Variants in RALYL observed in about 807,000 individuals in gnomAD.
RALYL encodes the protein RALY RNA binding protein like, also known as RNA-binding Raly-like protein.
Under a neutral mutation model 35.1 loss-of-function variants are expected in RALYL, and 29 were observed. The observed-to-expected ratio is 0.83, with a 90% CI of 0.61 to 1.13. RALYL has a LOEUF of 1.13. Ranked by LOEUF, RALYL falls within the 50% of genes most tolerant of loss-of-function variation. The pLI is 0.00. For missense variants in RALYL, 359 were observed against 360.4 expected (o/e 1.00, Z 0.03); for synonymous variants, 120 against 127.6 (o/e 0.94, Z 0.40).
intron 2 of RALYL, among the ~76,000 whole-genome samples, chr8:84,640,299 A>G (rs1369426464): frequency 6.6e-6 from 1 of 152,020 alleles, no homozygotes; most frequent in Admixed American, 6.6e-5. Context: ...AGAGTATAGG[A>G]ATTATTTTGA....
At chr8:84,455,659 G>A (rs711014) in intron 1 of RALYL, among the ~76,000 whole-genome samples, 90,880 of 151,830 alleles carry the variant, frequency 0.6, 27,502 homozygotes, top group African/African-American at 0.69. Flanking sequence ...AATCAAATGG[G>A]CAAAGCTCTC....
At chr8:84,869,249 T>C (rs971560381) in intron 6 of RALYL, among the ~76,000 whole-genome samples, 1 of 152,240 alleles carries the variant, frequency 6.6e-6, no homozygotes, top group African/African-American at 2.4e-5. Context: ...GCATATCACA[T>C]GACTTTGGGA....
At chr8:84,456,756 A>G (rs1464523361) in intron 1 of RALYL, among the ~76,000 whole-genome samples, 2 of 152,024 alleles carry the variant, frequency 1.3e-5, no homozygotes, top group Non-Finnish European at 2.9e-5. Context: ...TTCACATTGC[A>G]TCATAGGAAG....
intron 4 of RALYL, among the ~76,000 whole-genome samples, chr8:84,847,940 G>C (rs1026153382): frequency 3.9e-5 from 6 of 152,260 alleles, no homozygotes; most frequent in Middle Eastern, 6.8e-3. Context: ...CACCCTCTAT[G>C]TAAGAGCATG....
At position 84,523,613 on chromosome 8, in the gene RALYL, C is replaced by A. The variant is rs1229363543; in HGVS notation, c.-23-5686C>A. ...ATGTGCCATGCTGGTGTGCTGCACC[C>A]ACTAACTCATCATCTAGCATTAGGT... On this transcript the variant is annotated intron_variant, in intron 1 of 8. Coordinates refer to ENST00000521268, the MANE Select transcript of RALYL (RefSeq NM_173848.7). Among the ~76,000 whole-genome samples the A allele has an allele frequency of 5.3e-5, 8 of 151,300 alleles. No homozygotes were observed. In the East Asian group the frequency reaches 1.6e-3, roughly 30 times the overall value.
At chr8:84,602,707 G>A (rs1367022772) in intron 2 of RALYL, among the ~76,000 whole-genome samples, 3 of 152,076 alleles carry the variant, frequency 2.0e-5, no homozygotes, top group African/African-American at 7.2e-5. Context: ...TTAATAAATA[G>A]CTATTGAGTA....
At chr8:84,605,227 T>C (rs1481523346) in intron 2 of RALYL, among the ~76,000 whole-genome samples, 1 of 152,130 alleles carries the variant, frequency 6.6e-6, no homozygotes, top group African/African-American at 2.4e-5. Context: ...ATATCTGAAC[T>C]AAATCAATAA....
At chr8:84,544,156 A>G (rs1217336562) in intron 2 of RALYL, among the ~76,000 whole-genome samples, 3 of 152,044 alleles carry the variant, frequency 2.0e-5, no homozygotes, top group Non-Finnish European at 4.4e-5. Flanking sequence ...CTGTGAGGTT[A>G]TGTCACCAAG....
intron 1 of RALYL, among the ~76,000 whole-genome samples, chr8:84,266,030 C>T (rs1833227917): frequency 6.6e-6 from 1 of 152,160 alleles, no homozygotes; most frequent in Non-Finnish European, 1.5e-5. Flanking sequence ...AAGTCAAGAA[C>T]TTTAAATGAT....
At chr8:84,703,763 T>C (rs1840635099) in intron 2 of RALYL, among the ~76,000 whole-genome samples, 1 of 152,186 alleles carries the variant, frequency 6.6e-6, no homozygotes, top group South Asian at 2.1e-4. Context: ...ACTGTTTTAA[T>C]TCTATTGAAT....
intron 2 of RALYL, among the ~76,000 whole-genome samples, chr8:84,676,613 C>G (rs1834240503): frequency 6.6e-6 from 1 of 152,102 alleles, no homozygotes; most frequent in Non-Finnish European, 1.5e-5. Flanking sequence ...GGTCCCCACC[C>G]AATCCTAAAA....
chr8:84,569,285 C>T (rs891633947), intron 2 of RALYL, among the ~76,000 whole-genome samples: 1 of 151,986 alleles, frequency 6.6e-6, no homozygotes, highest in Non-Finnish European at 1.5e-5. Flanking sequence ...GTTTTCCCAG[C>T]ACCATTTATT....
chr8:84,501,385 C>T (rs779690558), intron 1 of RALYL, among the ~76,000 whole-genome samples: 1 of 152,024 alleles, frequency 6.6e-6, no homozygotes, highest in African/African-American at 2.4e-5. Flanking sequence ...AATAACATTT[C>T]TTAACATACA....
At chr8:84,561,557 C>G (rs1490927358) in intron 2 of RALYL, among the ~76,000 whole-genome samples, 1 of 151,884 alleles carries the variant, frequency 6.6e-6, no homozygotes, top group African/African-American at 2.4e-5. Context: ...AAATTAGGCA[C>G]AGTAAGAGAT....
intron 1 of RALYL, among the ~76,000 whole-genome samples, chr8:84,412,313 T>A (rs563093556): frequency 6.6e-6 from 1 of 152,108 alleles, no homozygotes; most frequent in Non-Finnish European, 1.5e-5. Flanking sequence ...TTGTAGGTGC[T>A]CATTACAATT....
chr8:84,380,737 G>C (rs1417873917), intron 1 of RALYL, among the ~76,000 whole-genome samples: 1 of 151,844 alleles, frequency 6.6e-6, no homozygotes, highest in Non-Finnish European at 1.5e-5. Context: ...GGTCCAGTAA[G>C]AGTTAAAAAG....
intron 2 of RALYL, among the ~76,000 whole-genome samples, chr8:84,587,641 A>C (rs1383259787): frequency 6.6e-6 from 1 of 152,202 alleles, no homozygotes; most frequent in Non-Finnish European, 1.5e-5. Context: ...TTTTTGGACA[A>C]AGTACTACAA....
chr8:84,607,294 G>A lies in RALYL; in HGVS notation c.256+77717G>A, dbSNP rs541197549. Among the ~76,000 whole-genome samples, 15 of 152,008 alleles carry A rather than the reference G, an allele frequency of 9.9e-5. No individual in the cohort carries two copies. In the South Asian group the frequency reaches 3.1e-3, roughly 32 times the overall value. On this transcript the variant is annotated intron_variant, in intron 2 of 8. Coordinates refer to ENST00000521268, the MANE Select transcript of RALYL (RefSeq NM_173848.7). ...CATTTTGACCCTCTCTGGCCAAAGT[G>A]CATTTATAATTTACAGTAATGCAAT...
chr8:84,511,334 A>C (rs2057599925), intron 1 of RALYL, among the ~76,000 whole-genome samples: 1 of 152,202 alleles, frequency 6.6e-6, no homozygotes, highest in Admixed American at 6.5e-5. Flanking sequence ...ATAGGTATAG[A>C]ATTAAGTGAA....
Sources: allele counts gnomAD v4.1 joint callset (sites outside exome capture counted in the v4.1 genomes callset), GRCh38; gene constraint gnomAD v4.1.1; transcripts MANE v1.5; gene names NCBI Gene and HGNC (gene_info 2026-07-23, HGNC 2026-07-21).